LIN54: variants seen among roughly 807,000 people sequenced by gnomAD.
LIN54 encodes protein lin-54 homolog.
LIN54 carries 9 observed loss-of-function variants against 78.7 expected under a neutral mutation model. The ratio of observed to expected loss-of-function variants is 0.11; its 90% CI spans 0.07 to 0.20. The LOEUF (loss-of-function observed/expected upper bound fraction) is 0.20, where lower values mean the gene tolerates loss of function less well. Ranked by LOEUF, LIN54 falls within the 10% of genes least tolerant of loss-of-function variation. LIN54 has a pLI of 1.00. For missense variants in LIN54, 573 were observed against 889.9 expected (o/e 0.64, Z 4.53); for synonymous variants, 269 against 318.4 (o/e 0.84, Z 1.65).
intron 4 of LIN54, among the ~76,000 whole-genome samples, chr4:82,968,640 C>T (rs1725412190): frequency 6.6e-6 from 1 of 152,148 alleles, no homozygotes. Flanking sequence ...ACACAGGCCG[C>T]AGCCTAGAGA....
rs74287391 is a variant in LIN54, at chr4:82,993,514, G to A, written c.-32-8638C>T. 8.6e-4 allele frequency among the ~76,000 whole-genome samples: 131 copies of A among 152,068 alleles called. 6 individuals carry two copies. In the East Asian group the frequency reaches 0.022, roughly 26 times the overall value. ...ATCACAGCGGTGAGCCACCGCGCCCGGCTAGAATCTTAAGATGGAAACACA... is the reference window on the plus strand; with the variant it reads ...ATCACAGCGGTGAGCCACCGCGCCCAGCTAGAATCTTAAGATGGAAACACA... On this transcript the variant is annotated intron_variant, in intron 1 of 12. Coordinates refer to ENST00000340417, the MANE Select transcript of LIN54 (RefSeq NM_194282.4).
intron 4 of LIN54, among the ~76,000 whole-genome samples, chr4:82,969,769 CTG>C (rs1578571325): frequency 6.6e-6 from 1 of 152,136 alleles, no homozygotes; most frequent in African/African-American, 2.4e-5. Flanking sequence ...ATAATAACAA[CTG>C]TATGTTTTAG....
intron 4 of LIN54, among the ~76,000 whole-genome samples, chr4:82,967,141 G>A (rs1019657152): frequency 6.6e-5 from 10 of 151,090 alleles, no homozygotes; most frequent in African/African-American, 2.4e-4. Flanking sequence ...CAGGAGAATT[G>A]TTTGAACCCA....
intron 2 of LIN54, among the ~76,000 whole-genome samples, chr4:82,983,592 C>G (rs1212476352): frequency 6.6e-6 from 1 of 152,126 alleles, no homozygotes; most frequent in Non-Finnish European, 1.5e-5. Context: ...GCAACTCAAG[C>G]CCAGTTGGTA....
chr4:82,953,470 A>T (rs11935989), intron 4 of LIN54, among the ~76,000 whole-genome samples: 49,902 of 151,996 alleles, frequency 0.33, 9,539 homozygotes, highest in East Asian at 0.52. Flanking sequence ...ATTTTAAAAA[A>T]TTGAAAAAAT....
chr4:82,972,067 G>C (rs964803670), intron 3 of LIN54, among the ~76,000 whole-genome samples: 1 of 152,014 alleles, frequency 6.6e-6, no homozygotes, highest in Admixed American at 6.6e-5. Flanking sequence ...GTTTTGTTTT[G>C]TTTTGAGACA....
At chr4:82,998,049 T>TAC (rs937232414) in intron 1 of LIN54, among the ~76,000 whole-genome samples, 1 of 135,408 alleles carries the variant, frequency 7.4e-6, no homozygotes, top group African/African-American at 2.7e-5. Context: ...CACACACGTA[T>TAC]ATATATATAT....
At chr4:82,928,942 G>A (rs772994964) in intron 12 of LIN54, among the ~76,000 whole-genome samples, 3 of 152,316 alleles carry the variant, frequency 2.0e-5, no homozygotes, top group Admixed American at 6.5e-5. Context: ...GCAACCCATC[G>A]TGAGGCTTGC....
intron 12 of LIN54, among the ~76,000 whole-genome samples, chr4:82,929,865 C>T (rs1319317370): frequency 6.6e-6 from 1 of 152,010 alleles, no homozygotes; most frequent in Admixed American, 6.6e-5. Context: ...ACAAAAAAGC[C>T]TTATTTTTAT....
At chr4:82,931,488 AC>A (rs1721950691) in intron 11 of LIN54, among the ~76,000 whole-genome samples, 1 of 152,180 alleles carries the variant, frequency 6.6e-6, no homozygotes, top group African/African-American at 2.4e-5. Context: ...GAATCCAGCC[AC>A]CTCAATCAAA....
chr4:82,994,706 A>ATT (rs34088174), intron 1 of LIN54, among the ~76,000 whole-genome samples: 7 of 151,538 alleles, frequency 4.6e-5, no homozygotes, highest in African/African-American at 7.3e-5. Flanking sequence ...AGCCAAGAAC[A>ATT]TTTTTTTTAA....
chr4:82,980,760 A>G (rs913563988), intron 2 of LIN54, among the ~76,000 whole-genome samples: 22 of 152,260 alleles, frequency 1.4e-4, no homozygotes, highest in African/African-American at 5.1e-4. Context: ...AATATTAACA[A>G]TCTCTAGAGG....
At chr4:82,976,288 C>T (rs1726152995) in intron 3 of LIN54, among the ~76,000 whole-genome samples, 1 of 151,088 alleles carries the variant, frequency 6.6e-6, no homozygotes, top group Admixed American at 6.6e-5. Flanking sequence ...TTCAGATTTG[C>T]ATTTTAGAAA....
rs879750211 is a variant in LIN54 at position 82,998,319 on chromosome 4, C to T, written c.-33+12165G>A. Among the ~76,000 whole-genome samples, 786 of 151,448 alleles carry T rather than the reference C, an allele frequency of 5.2e-3. 6 individuals are homozygous for T. Among genetic ancestry groups the T allele is most frequent in the Non-Finnish European group, 7.5e-3 (509 of 67,664 alleles). On this transcript the variant is annotated intron_variant, in intron 1 of 12. Transcript: ENST00000340417. ...CAGCACTTTGGGAGGCTGAGGCGGA[C>T]AGATCACGAGGTCAGGAGTTCAAGA... is the stretch of plus-strand genomic sequence containing the variant.
In LIN54 at chr4:82,936,657, T is replaced by C. The variant is rs149115518; in HGVS notation, c.1605-276A>G. Among the ~76,000 whole-genome samples the C allele has an allele frequency of 1.2e-3, 167 of 137,678 alleles. 1 individual carries two copies. The highest frequency in any genetic ancestry group is 4.4e-3 in the African/African-American group (162 of 36,802). The allele number at this position is 137,678 out of a possible 152,430, so 90.3% of individuals were successfully genotyped here. ...CAAGAGCTGTCACACATATAAATTA[T>C]ATAAATTATATGTCACACATATAAA... On this transcript the variant is annotated intron_variant, in intron 9 of 12. Coordinates refer to ENST00000340417, the MANE Select transcript of LIN54 (RefSeq NM_194282.4).
At chr4:82,985,368 A>G (rs1172773395) in intron 1 of LIN54, among the ~76,000 whole-genome samples, 1 of 152,242 alleles carries the variant, frequency 6.6e-6, no homozygotes, top group African/African-American at 2.4e-5. Context: ...ATCCCATTTT[A>G]AAAATCCATT....
At chr4:82,955,311 T>G (rs889173437) in intron 4 of LIN54, among the ~76,000 whole-genome samples, 1 of 151,510 alleles carries the variant, frequency 6.6e-6, no homozygotes, top group Non-Finnish European at 1.5e-5. Context: ...TTGCAATGAG[T>G]CGAGATTGCG....
intron 11 of LIN54, among the ~76,000 whole-genome samples, chr4:82,932,831 A>T (rs1002282187): frequency 2.6e-4 from 40 of 151,362 alleles, no homozygotes; most frequent in African/African-American, 5.6e-4. Context: ...ATCTCAAAAA[A>T]ATATATATAT....
chr4:82,980,886 T>C (rs1182436778), intron 2 of LIN54, among the ~76,000 whole-genome samples: 2 of 152,112 alleles, frequency 1.3e-5, no homozygotes, highest in Non-Finnish European at 2.9e-5. Flanking sequence ...CATGAGTATA[T>C]GAATACTTAT....
Sources: allele counts gnomAD v4.1 joint callset (sites outside exome capture counted in the v4.1 genomes callset), GRCh38; gene constraint gnomAD v4.1.1; transcripts MANE v1.5; gene names NCBI Gene and HGNC (gene_info 2026-07-23, HGNC 2026-07-21).